Variants in RGS7 observed in about 807,000 individuals in gnomAD.
RGS7 encodes regulator of G protein signaling 7.
A neutral mutation model predicts 81.1 loss-of-function variants in RGS7; 27 were observed. That is an observed-to-expected ratio of 0.33 (90% CI 0.25 to 0.46). The LOEUF is 0.46. Among genes scored for constraint, RGS7 ranks in the 20% least tolerant of loss-of-function variants. The pLI is 1.00. For missense variants in RGS7, 396 were observed against 607.4 expected, an observed-to-expected ratio of 0.65 and a Z score of 3.66; for synonymous variants, 208 against 207.7, an observed-to-expected ratio of 1.00 and a Z score of -0.01.
chr1:241,025,007 C>T (rs1379839073), intron 3 of RGS7, among the ~76,000 whole-genome samples: 1 of 152,116 alleles, frequency 6.6e-6, no homozygotes, highest in African/African-American at 2.4e-5. Context: ...TCTATTGAGT[C>T]CCTGGGAATT....
intron 4 of RGS7, among the ~76,000 whole-genome samples, chr1:240,962,010 C>T (rs189835488): frequency 3.3e-5 from 5 of 152,088 alleles, no homozygotes; most frequent in African/African-American, 1.2e-4. Context: ...TTCCTAAGTG[C>T]GACCTTATTG....
intron 5 of RGS7, 65 bp from the exon 6 acceptor site, chr1:240,930,833 G>A: frequency 7.0e-7 from 1 of 1,430,032 alleles, no homozygotes; most frequent in East Asian, 2.3e-5. Flanking sequence ...TTTCTGGCCA[G>A]TGAATTACAT....
intron 9 of RGS7, among the ~76,000 whole-genome samples, chr1:240,844,239 G>A (rs1311103414): frequency 1.3e-5 from 2 of 152,052 alleles, no homozygotes; most frequent in Non-Finnish European, 2.9e-5. Context: ...AATGGCCCAA[G>A]AGGCTGGCTT....
chr1:240,972,978 G>A (rs1458000962), intron 4 of RGS7, among the ~76,000 whole-genome samples: 1 of 151,790 alleles, frequency 6.6e-6, no homozygotes, highest in East Asian at 1.9e-4. Flanking sequence ...GGGCCTGGGA[G>A]GTCAAGGGTG....
rs370562497 is a variant in RGS7 at position 241,030,361 on chromosome 1, C to CATATATATATATATATATATAT, written c.176-47233_176-47232insATATATATATATATATATATAT. ...GCTTTGTTTTTTCCAGAACTTATAG[C>CATATATATATATATATATATAT]ATATATATATATACATACACACATA... is the stretch of plus-strand genomic sequence containing the variant. On this transcript the variant is annotated intron_variant, in intron 3 of 18. Transcript: ENST00000440928. Among the ~76,000 whole-genome samples the CATATATATATATATATATATAT allele has an allele frequency of 1.6e-3, 166 of 102,150 alleles. 9 individuals carry two copies. The highest frequency in any genetic ancestry group is 2.9e-3 in the Admixed American group (31 of 10,804). The allele number at this position is 102,150 out of a possible 152,430, so 67.0% of individuals were successfully genotyped here.
At chr1:240,827,871 A>AC in intron 9 of RGS7, among the ~76,000 whole-genome samples, 1 of 142,534 alleles carries the variant, frequency 7.0e-6, no homozygotes, top group East Asian at 2.0e-4. Context: ...TTGCAAAAAA[A>AC]AAAAAAAAAA....
chr1:240,811,034 T>C (rs552619814), intron 14 of RGS7, among the ~76,000 whole-genome samples: 2 of 152,318 alleles, frequency 1.3e-5, no homozygotes, highest in African/African-American at 2.4e-5. Context: ...TTGGGATTCC[T>C]ACCTGTTAAA....
chr1:240,887,191 G>T (rs1489028387), intron 6 of RGS7, among the ~76,000 whole-genome samples: 1 of 150,256 alleles, frequency 6.7e-6, no homozygotes, highest in Non-Finnish European at 1.5e-5. Flanking sequence ...TTTTATAAAT[G>T]AAATATCCTT....
chr1:241,112,476 G>A (rs1261468115), intron 2 of RGS7, among the ~76,000 whole-genome samples: 1 of 152,016 alleles, frequency 6.6e-6, no homozygotes, highest in Admixed American at 6.6e-5. Context: ...CTGAAGGTAG[G>A]GCAAAAGCAC....
chr1:241,239,801 C>A (rs147815118), intron 2 of RGS7, among the ~76,000 whole-genome samples: 115 of 152,254 alleles, frequency 7.6e-4, no homozygotes, highest in African/African-American at 2.6e-3. Flanking sequence ...CAGCAATCTG[C>A]AAATAAGGAC....
chr1:241,302,441 T>C (rs553304725), intron 2 of RGS7, among the ~76,000 whole-genome samples: 13 of 152,088 alleles, frequency 8.5e-5, no homozygotes, highest in African/African-American at 2.9e-4. Flanking sequence ...CCCAGCTACT[T>C]GGGAGGCTGA....
intron 5 of RGS7, among the ~76,000 whole-genome samples, chr1:240,931,669 T>C (rs575910527): frequency 2.0e-5 from 3 of 152,270 alleles, no homozygotes; most frequent in South Asian, 4.1e-4. Context: ...CTCTAAAGTT[T>C]TAAACTGCAC....
At chr1:241,194,803 C>G (rs1031456888) in intron 2 of RGS7, among the ~76,000 whole-genome samples, 3 of 152,136 alleles carry the variant, frequency 2.0e-5, no homozygotes, top group African/African-American at 7.2e-5. Flanking sequence ...GTTCACCCCC[C>G]AAAGCAGTTA....
intron 6 of RGS7, among the ~76,000 whole-genome samples, chr1:240,898,860 T>A (rs1258067378): frequency 6.6e-6 from 1 of 152,182 alleles, no homozygotes; most frequent in Non-Finnish European, 1.5e-5. Flanking sequence ...GTCTCGTTGA[T>A]CTGTCTAATG....
chr1:241,286,145 C>T (rs540161061), intron 2 of RGS7, among the ~76,000 whole-genome samples: 3 of 152,090 alleles, frequency 2.0e-5, no homozygotes, highest in Non-Finnish European at 4.4e-5. Flanking sequence ...AGCCTTTAGC[C>T]CAAGTCACCT....
intron 2 of RGS7, among the ~76,000 whole-genome samples, chr1:241,238,318 T>A (rs1181575951): frequency 6.6e-6 from 1 of 152,188 alleles, no homozygotes; most frequent in African/African-American, 2.4e-5. Context: ...CTACAGATAC[T>A]ATGACCTTGT....
intron 2 of RGS7, among the ~76,000 whole-genome samples, chr1:241,214,182 C>G (rs1459668998): frequency 1.3e-5 from 2 of 152,156 alleles, no homozygotes; most frequent in Non-Finnish European, 2.9e-5. Context: ...CCTCCTTGAG[C>G]ATTTCTCATG....
At chr1:241,084,697 A>G (rs1391739618) in intron 3 of RGS7, among the ~76,000 whole-genome samples, 6 of 152,234 alleles carry the variant, frequency 3.9e-5, no homozygotes, top group Non-Finnish European at 7.3e-5. Flanking sequence ...CAAATCAGAT[A>G]AGGACTAGAA....
intron 2 of RGS7, among the ~76,000 whole-genome samples, chr1:241,301,436 T>C (rs1222087652): frequency 1.3e-5 from 2 of 152,220 alleles, no homozygotes; most frequent in African/African-American, 4.8e-5. Context: ...TAAGGAGATT[T>C]ATTCTTGATT....
Sources: gnomAD v4.1 joint callset for allele counts (sites outside exome capture counted in the v4.1 genomes callset) on GRCh38, gnomAD v4.1.1 for gene constraint, MANE v1.5 for transcripts, NCBI Gene and HGNC (gene_info 2026-07-23, HGNC 2026-07-21) for gene names.